The following CCSER1 variants were observed in gnomAD, a reference collection of about 807,000 sequenced individuals.
CCSER1 encodes the protein coiled-coil serine rich protein 1, also known as serine-rich coiled-coil domain-containing protein 1.
A neutral mutation model predicts 82.0 loss-of-function variants in CCSER1; 41 were observed. The ratio of observed to expected loss-of-function variants is 0.50; its 90% CI spans 0.39 to 0.65. The LOEUF (loss-of-function observed/expected upper bound fraction) is 0.65, where lower values mean the gene tolerates loss of function less well. Among genes scored for constraint, CCSER1 ranks in the 30% least tolerant of loss-of-function variants. CCSER1 has a pLI of 0.00. For missense variants in CCSER1, 1,119 were observed against 1,064.2 expected, an observed-to-expected ratio of 1.05 and a Z score of -0.72; for synonymous variants, 414 against 383.9, an observed-to-expected ratio of 1.08 and a Z score of -0.92.
At chr4:90,278,976 G>C (rs1304240499) in intron 1 of CCSER1, among the ~76,000 whole-genome samples, 1 of 152,052 alleles carries the variant, frequency 6.6e-6, no homozygotes, top group African/African-American at 2.4e-5. Flanking sequence ...TTATACCTGG[G>C]AAAGTCCAGG....
intron 6 of CCSER1, among the ~76,000 whole-genome samples, chr4:90,653,988 G>A (rs13124270): frequency 1.3e-5 from 2 of 152,128 alleles, no homozygotes; most frequent in Non-Finnish European, 2.9e-5. Context: ...TGGCAGGAGA[G>A]AGAGAGCAAA....
chr4:90,351,302 TA>T (rs1292647799), intron 3 of CCSER1, among the ~76,000 whole-genome samples: 1 of 152,188 alleles, frequency 6.6e-6, no homozygotes, highest in Admixed American at 6.5e-5. Flanking sequence ...GTAAATGGTT[TA>T]GGGTATCTTG....
At chr4:91,595,965 A>AC (rs1764554730) in intron 10 of CCSER1, among the ~76,000 whole-genome samples, 1 of 150,536 alleles carries the variant, frequency 6.6e-6, no homozygotes, top group Admixed American at 6.6e-5. Flanking sequence ...AAAAAAAAAA[A>AC]AACCAAGGGC....
At chr4:90,721,207 C>G (rs962973378) in intron 6 of CCSER1, among the ~76,000 whole-genome samples, 1 of 151,784 alleles carries the variant, frequency 6.6e-6, no homozygotes, top group Non-Finnish European at 1.5e-5. Flanking sequence ...TGCAAAATAA[C>G]ATTTTAATGG....
In CCSER1 at chr4:90,544,063, C is replaced by A. The variant is rs114651002; in HGVS notation, c.1724+75709C>A. On this transcript the variant is annotated intron_variant, in intron 5 of 10. Coordinates refer to ENST00000509176, the MANE Select transcript of CCSER1 (RefSeq NM_001145065.2). Reference sequence around the variant, plus strand: ...ACATTGTAATGCTGTTCCCTGAGCCCCAATTCCCAGGGGACTACCGGATGA... The same window carrying A: ...ACATTGTAATGCTGTTCCCTGAGCCACAATTCCCAGGGGACTACCGGATGA... Among the ~76,000 whole-genome samples, 1,027 of 152,170 alleles carry A rather than the reference C, an allele frequency of 6.7e-3. 13 individuals carry two copies. The highest frequency in any genetic ancestry group is 0.021 in the African/African-American group (858 of 41,534).
intron 10 of CCSER1, among the ~76,000 whole-genome samples, chr4:91,133,234 C>T (rs1728158858): frequency 6.6e-6 from 1 of 151,668 alleles, no homozygotes; most frequent in African/African-American, 2.4e-5. Flanking sequence ...CTTCCCTTTC[C>T]TTTACTTTCT....
intron 10 of CCSER1, among the ~76,000 whole-genome samples, chr4:91,291,924 A>T (rs1443360657): frequency 6.6e-6 from 1 of 152,088 alleles, no homozygotes; most frequent in Non-Finnish European, 1.5e-5. Flanking sequence ...TTTACCCAAC[A>T]TCCAAGACTT....
intron 6 of CCSER1, among the ~76,000 whole-genome samples, chr4:90,657,734 C>T (rs372567157): frequency 3.2e-4 from 49 of 152,230 alleles, no homozygotes; most frequent in African/African-American, 1.2e-3. Flanking sequence ...GTTTTCAATT[C>T]TCTGCTGAAA....
chr4:90,288,439 A>G (rs1560953945), intron 1 of CCSER1, among the ~76,000 whole-genome samples: 1 of 151,728 alleles, frequency 6.6e-6, no homozygotes. Flanking sequence ...GACATACATC[A>G]CTGTTAAAGA....
At chr4:91,398,696 G>T (rs1000917931) in intron 10 of CCSER1, among the ~76,000 whole-genome samples, 1 of 151,694 alleles carries the variant, frequency 6.6e-6, no homozygotes, top group African/African-American at 2.4e-5. Flanking sequence ...AGTGCTAAAC[G>T]AAGTTCTGGT....
intron 10 of CCSER1, among the ~76,000 whole-genome samples, chr4:91,505,899 C>G (rs923936681): frequency 2.0e-5 from 3 of 152,142 alleles, no homozygotes; most frequent in African/African-American, 7.2e-5. Context: ...TGTCTGTTCA[C>G]TCTGATGATA....
chr4:90,638,943 TTTC>T (rs1725971831), intron 6 of CCSER1, among the ~76,000 whole-genome samples: 1 of 152,122 alleles, frequency 6.6e-6, no homozygotes, highest in African/African-American at 2.4e-5. Context: ...TGATTAATGT[TTTC>T]TTAAGTTTCT....
intron 9 of CCSER1, among the ~76,000 whole-genome samples, chr4:91,047,509 T>G (rs1742613992): frequency 6.6e-6 from 1 of 152,136 alleles, no homozygotes; most frequent in Non-Finnish European, 1.5e-5. Context: ...ATTACCTATT[T>G]TCCCTCCCAC....
intron 10 of CCSER1, among the ~76,000 whole-genome samples, chr4:91,228,317 T>A (rs1044625441): frequency 6.6e-6 from 1 of 152,068 alleles, no homozygotes; most frequent in Non-Finnish European, 1.5e-5. Context: ...AGCAGACACC[T>A]GTTTCTTTGG....
chr4:91,065,628 GTAGAA>G (rs1371522173), intron 9 of CCSER1, among the ~76,000 whole-genome samples: 1 of 151,904 alleles, frequency 6.6e-6, no homozygotes. Context: ...GTTATTGTCT[GTAGAA>G]TAAAGGACAA....
chr4:90,323,333 A>T (rs551637573), intron 3 of CCSER1, among the ~76,000 whole-genome samples: 6 of 152,282 alleles, frequency 3.9e-5, no homozygotes, highest in Non-Finnish European at 1.5e-5. Context: ...CAAGGACTGA[A>T]GTTCTTGTGA....
chr4:91,378,280 T>G (rs1462144579), intron 10 of CCSER1, among the ~76,000 whole-genome samples: 3 of 152,250 alleles, frequency 2.0e-5, no homozygotes, highest in Admixed American at 2.0e-4. Flanking sequence ...TTTCCAATTC[T>G]GTGAAGAAAG....
At chr4:91,444,926 A>G (rs1247601034) in intron 10 of CCSER1, among the ~76,000 whole-genome samples, 1 of 152,210 alleles carries the variant, frequency 6.6e-6, no homozygotes, top group African/African-American at 2.4e-5. Context: ...TAAACATTCC[A>G]TTCACTTCAG....
chr4:90,716,703 G>C (rs1195200381), intron 6 of CCSER1, among the ~76,000 whole-genome samples: 1 of 152,062 alleles, frequency 6.6e-6, no homozygotes, highest in South Asian at 2.1e-4. Flanking sequence ...AGAGCAATAC[G>C]CTAAACCATA....
Sources: gnomAD v4.1 joint callset for allele counts (sites outside exome capture counted in the v4.1 genomes callset) on GRCh38, gnomAD v4.1.1 for gene constraint, MANE v1.5 for transcripts, NCBI Gene and HGNC (gene_info 2026-07-23, HGNC 2026-07-21) for gene names.